The following CDH12 variants were observed in gnomAD, a reference collection of about 807,000 sequenced individuals.
CDH12 encodes cadherin-12.
Under a neutral mutation model 74.1 loss-of-function variants are expected in CDH12, and 41 were observed. The ratio of observed to expected loss-of-function variants is 0.55; its 90% CI spans 0.43 to 0.72. CDH12 has a LOEUF of 0.72. CDH12 is among the 30% of genes least tolerant of loss of function. The pLI, the probability that CDH12 is intolerant of heterozygous loss-of-function variation, is 0.00. For synonymous variants in CDH12, 399 were observed against 355.0 expected (o/e 1.12, Z -1.39); for missense variants, 945 against 977.2 (o/e 0.97, Z 0.44).
rs535015240 is a variant in CDH12, at chr5:22,058,280, C to G, written c.231+20166G>C. On this transcript the variant is annotated intron_variant, in intron 5 of 14. Coordinates refer to ENST00000382254, the MANE Select transcript of CDH12 (RefSeq NM_004061.5). ...CCGCGTTGCCCAGGCTGGTCTCAAA[C>G]TCTTAAGCTCAGACAATCTGTCTGC... 3.9e-5 allele frequency among the ~76,000 whole-genome samples: 6 copies of G among 152,212 alleles called. No individual in the cohort carries two copies. The South Asian group carries it at 1.2e-3, about 32-fold the overall frequency.
intron 3 of CDH12, among the ~76,000 whole-genome samples, chr5:22,220,162 T>C (rs1262364569): frequency 6.6e-6 from 1 of 151,806 alleles, no homozygotes; most frequent in Non-Finnish European, 1.5e-5. Flanking sequence ...TACAGTGCTA[T>C]ATCTCAGGAG....
At chr5:22,360,126 A>T (rs900540249) in intron 3 of CDH12, among the ~76,000 whole-genome samples, 7 of 152,216 alleles carry the variant, frequency 4.6e-5, no homozygotes, top group African/African-American at 1.4e-4. Context: ...CCTTCAAAAA[A>T]TCAATGAATC....
rs142036683 is a variant in CDH12, at chr5:22,708,623, T to C, written c.-523+144435A>G. 2.0e-3 allele frequency among the ~76,000 whole-genome samples: 310 copies of C among 152,244 alleles called. 1 individual carries two copies. The highest frequency in any genetic ancestry group is 6.5e-3 in the African/African-American group (270 of 41,554). ...GTTAGAGCACAGAGAGAAGATAGCC[T>C]AGCATGTGGTGGGGGCCGTGGGTGT... On this transcript the variant is annotated intron_variant, in intron 1 of 14. Coordinates refer to ENST00000382254, the MANE Select transcript of CDH12 (RefSeq NM_004061.5).
chr5:22,774,943 C>G (rs187338483), intron 1 of CDH12, among the ~76,000 whole-genome samples: 4 of 151,976 alleles, frequency 2.6e-5, no homozygotes, highest in East Asian at 3.9e-4. Flanking sequence ...ACAGAATGTA[C>G]CCATGTAACA....
chr5:22,192,305 G>T (rs1750352707), intron 4 of CDH12, among the ~76,000 whole-genome samples: 1 of 152,140 alleles, frequency 6.6e-6, no homozygotes, highest in African/African-American at 2.4e-5. Flanking sequence ...TGTAGTCTGG[G>T]CCTGCAAGGA....
At chr5:21,894,680 C>G (rs926273995) in intron 6 of CDH12, among the ~76,000 whole-genome samples, 4 of 152,074 alleles carry the variant, frequency 2.6e-5, no homozygotes, top group Admixed American at 2.6e-4. Context: ...GAACATTACC[C>G]CTTTTTTGAA....
chr5:21,956,086 GA>G (rs1485892767), intron 6 of CDH12, among the ~76,000 whole-genome samples: 6 of 151,798 alleles, frequency 4.0e-5, no homozygotes, highest in East Asian at 1.9e-4. Flanking sequence ...TAATTGTAGA[GA>G]AAAAACTATG....
chr5:22,745,579 A>G (rs573122045), intron 1 of CDH12, among the ~76,000 whole-genome samples: 1 of 152,330 alleles, frequency 6.6e-6, no homozygotes, highest in East Asian at 1.9e-4. Flanking sequence ...ATAGAATACC[A>G]TGCAGCCATA....
intron 1 of CDH12, among the ~76,000 whole-genome samples, chr5:22,657,233 G>A (rs921993531): frequency 1.4e-4 from 21 of 152,110 alleles, no homozygotes; most frequent in African/African-American, 4.8e-4. Flanking sequence ...AGTGGTATTG[G>A]GAGGAAGGGG....
intron 2 of CDH12, among the ~76,000 whole-genome samples, chr5:22,483,502 T>G (rs895860016): frequency 2.0e-5 from 3 of 151,034 alleles, no homozygotes. Flanking sequence ...TTTTAAGTGA[T>G]AGATAGTTGC....
chr5:22,558,687 C>T lies in CDH12; in HGVS notation c.-522-53323G>A, dbSNP rs139377365. Among the ~76,000 whole-genome samples the T allele has an allele frequency of 1.8e-4, 28 of 151,408 alleles. No homozygotes were observed. The East Asian group carries it at 2.3e-3, about 13-fold the overall frequency. On this transcript the variant is annotated intron_variant, in intron 1 of 14. Coordinates refer to ENST00000382254, the MANE Select transcript of CDH12 (RefSeq NM_004061.5). ...TAAAACTTAAGGAAATGGTAAATTACGAAATAAAAAAATAAGTCTCCAATG... is the reference window on the plus strand; with the variant it reads ...TAAAACTTAAGGAAATGGTAAATTATGAAATAAAAAAATAAGTCTCCAATG...
chr5:22,757,891 A>G (rs549697386), intron 1 of CDH12, among the ~76,000 whole-genome samples: 72 of 152,310 alleles, frequency 4.7e-4, no homozygotes, highest in African/African-American at 1.7e-3. Context: ...TTAGTATTCT[A>G]AGGTATGGAT....
chr5:21,779,156 A>C (rs1745768072), intron 11 of CDH12: 1 of 152,108 alleles, frequency 6.6e-6, no homozygotes, highest in Non-Finnish European at 1.5e-5. Flanking sequence ...TAATCATATA[A>C]AATATATTCT....
chr5:22,514,856 A>G (rs1225444422), intron 1 of CDH12, among the ~76,000 whole-genome samples: 1 of 152,188 alleles, frequency 6.6e-6, no homozygotes, highest in Non-Finnish European at 1.5e-5. Context: ...AAGAACAAGA[A>G]ATAACAAAGA....
chr5:22,596,222 G>A (rs910833425), intron 1 of CDH12, among the ~76,000 whole-genome samples: 1 of 152,004 alleles, frequency 6.6e-6, no homozygotes, highest in Admixed American at 6.6e-5. Context: ...TGGATCACCT[G>A]AGGCCAGGAT....
At chr5:22,735,445 T>G (rs990178457) in intron 1 of CDH12, among the ~76,000 whole-genome samples, 6 of 151,872 alleles carry the variant, frequency 4.0e-5, no homozygotes, top group African/African-American at 9.7e-5. Flanking sequence ...TATAAATTTA[T>G]AGGGAAAATG....
chr5:22,377,351 G>A (rs2126368517), intron 3 of CDH12, among the ~76,000 whole-genome samples: 1 of 152,248 alleles, frequency 6.6e-6, no homozygotes, highest in Non-Finnish European at 1.5e-5. Flanking sequence ...AGAGTCACTA[G>A]CTCAACAAGG....
At chr5:22,532,558 A>G (rs1284531383) in intron 1 of CDH12, among the ~76,000 whole-genome samples, 2 of 151,144 alleles carry the variant, frequency 1.3e-5, no homozygotes, top group Non-Finnish European at 1.5e-5. Flanking sequence ...TAACCCTGCT[A>G]ATTTAAATTT....
At chr5:22,048,594 GA>G (rs2150191446) in intron 5 of CDH12, among the ~76,000 whole-genome samples, 1 of 152,068 alleles carries the variant, frequency 6.6e-6, no homozygotes, top group South Asian at 2.1e-4. Context: ...GCATTCAAAG[GA>G]AAAAATATTA....
Sources: gnomAD v4.1 joint callset for allele counts (sites outside exome capture counted in the v4.1 genomes callset) on GRCh38, gnomAD v4.1.1 for gene constraint, MANE v1.5 for transcripts, NCBI Gene and HGNC (gene_info 2026-07-23, HGNC 2026-07-21) for gene names.